Variants in ENOPH1 observed in about 807,000 individuals in gnomAD.
The protein encoded by ENOPH1 is enolase-phosphatase E1.
Under a neutral mutation model 31.1 loss-of-function variants are expected in ENOPH1, and 14 were observed. That is an observed-to-expected ratio of 0.45 (90% confidence interval 0.30 to 0.70). The LOEUF (loss-of-function observed/expected upper bound fraction) is 0.70. ENOPH1 is among the 30% of genes least tolerant of loss of function. The pLI, the probability that ENOPH1 is intolerant of heterozygous loss-of-function variation, is 0.09. For missense variants in ENOPH1, 243 were observed against 321.5 expected, an observed-to-expected ratio of 0.76 and a Z score of 1.87; for synonymous variants, 127 against 123.2, an observed-to-expected ratio of 1.03 and a Z score of -0.21.
Position 82,460,245 on chromosome 4 carries a change from A to C in ENOPH1, c.*125A>C, listed in dbSNP as rs576196417. On this transcript the variant is annotated 3_prime_UTR_variant, in exon 6 of 6. Coordinates refer to ENST00000273920, the MANE Select transcript of ENOPH1 (RefSeq NM_021204.5). The stretch of plus-strand genomic sequence containing the variant: ...TACACATATGTATGCAAGTATGTAT[A>C]TATGTGTATGCTCAGATTAACTTCC... 40 of 933,010 alleles carry C rather than the reference A, an allele frequency of 4.3e-5. No homozygotes were observed. In the South Asian group the frequency reaches 5.7e-4, roughly 13 times the overall value. 57.8% of individuals were successfully genotyped at this position (933,010 alleles called of 1,614,324 possible).
intron 3 of ENOPH1, among the ~76,000 whole-genome samples, 193 bp downstream of exon 3, chr4:82,451,438 C>G (rs1722348780): frequency 6.6e-6 from 1 of 152,134 alleles, no homozygotes; most frequent in Non-Finnish European, 1.5e-5. Flanking sequence ...ACTAGATTAC[C>G]CGGACCTGCC....
intron 1 of ENOPH1, among the ~76,000 whole-genome samples, chr4:82,436,198 G>A (rs774682315): frequency 5.3e-5 from 8 of 152,188 alleles, no homozygotes; most frequent in Non-Finnish European, 8.8e-5. Flanking sequence ...ATTTGTGGAA[G>A]CACTGGAATG....
intron 1 of ENOPH1, among the ~76,000 whole-genome samples, chr4:82,436,244 T>G (rs1721901020): frequency 6.6e-6 from 1 of 152,216 alleles, no homozygotes; most frequent in Non-Finnish European, 1.5e-5. Context: ...GATAAACAAC[T>G]GCCCCCCTCT....
chr4:82,437,945 TA>T (rs1263419730), intron 1 of ENOPH1, among the ~76,000 whole-genome samples: 2 of 152,230 alleles, frequency 1.3e-5, no homozygotes, highest in Non-Finnish European at 2.9e-5. Context: ...TTGAACAATT[TA>T]ACTGAAAGTG....
chr4:82,437,296 G>T (rs1480557937), intron 1 of ENOPH1, among the ~76,000 whole-genome samples: 1 of 152,136 alleles, frequency 6.6e-6, no homozygotes, highest in African/African-American at 2.4e-5. Context: ...AGGTTCCTCA[G>T]GGAACCTAGA....
At chr4:82,440,599 G>T (rs969895495) in intron 1 of ENOPH1, among the ~76,000 whole-genome samples, 3 of 152,178 alleles carry the variant, frequency 2.0e-5, no homozygotes, top group African/African-American at 7.2e-5. Flanking sequence ...AGGACTCTGG[G>T]CCAGTCAAGT....
intron 4 of ENOPH1, among the ~76,000 whole-genome samples, chr4:82,455,182 A>T (rs2110047113): frequency 6.6e-6 from 1 of 152,332 alleles, no homozygotes; most frequent in East Asian, 1.9e-4. Context: ...GAAGAAATAT[A>T]GATTTCATTT....
chr4:82,448,258 T>A (rs1020739394), intron 2 of ENOPH1, among the ~76,000 whole-genome samples: 6 of 131,504 alleles, frequency 4.6e-5, no homozygotes, highest in Admixed American at 7.3e-5. Flanking sequence ...TTTGTTTTGT[T>A]TTGTTTTTTT....
intron 4 of ENOPH1, among the ~76,000 whole-genome samples, chr4:82,456,278 TTTAG>T (rs544170345): frequency 1.4e-4 from 22 of 152,036 alleles, no homozygotes; most frequent in African/African-American, 5.1e-4. Context: ...TATGCTTGTT[TTTAG>T]TTTGTGAAAA....
intron 3 of ENOPH1, among the ~76,000 whole-genome samples, chr4:82,453,692 T>TAA (rs1442857085): frequency 6.6e-6 from 1 of 152,212 alleles, no homozygotes; most frequent in Admixed American, 6.5e-5. Flanking sequence ...AGATGACTGG[T>TAA]TCTACAACCC....
Position 82,454,731 on chromosome 4 carries a change from A to C in ENOPH1, c.399A>C (p.Ala133=), listed in dbSNP as rs1362716708. ...TAGRMKAEFF[A]DVVPAVRKWR... ...GTGGTCTTCCCTCTAGGTTCTTTGC[A>C]GATGTAGTTCCAGCAGTCAGGAAGT... The change falls in exon 4 of 6, where the codon GCA becomes GCC. Residue 133 remains alanine (A), a synonymous_variant. Transcript: ENST00000273920. The C allele has an allele frequency of 1.2e-6, 2 of 1,612,946 alleles. No individual in the cohort carries two copies. The highest frequency in any genetic ancestry group is 8.5e-7 in the Non-Finnish European group (1 of 1,179,738).
intron 4 of ENOPH1, among the ~76,000 whole-genome samples, chr4:82,455,655 G>A (rs929898786): frequency 3.3e-5 from 5 of 151,918 alleles, no homozygotes; most frequent in South Asian, 2.1e-4. Context: ...ACGTGGTGGC[G>A]GGCACCTGTA....
intron 4 of ENOPH1, among the ~76,000 whole-genome samples, chr4:82,456,476 G>T (rs1273496788): frequency 2.0e-5 from 3 of 152,170 alleles, no homozygotes; most frequent in African/African-American, 4.8e-5. Flanking sequence ...AGAATTTCTT[G>T]TAAGTAAAAT....
intron 1 of ENOPH1, among the ~76,000 whole-genome samples, chr4:82,432,501 C>T (rs1032841969): frequency 6.6e-6 from 1 of 152,156 alleles, no homozygotes; most frequent in Admixed American, 6.5e-5. Context: ...TGTGCCACCA[C>T]ACCCAGCTAA....
chr4:82,432,661 T>A (rs928249843), intron 1 of ENOPH1, among the ~76,000 whole-genome samples: 1 of 151,890 alleles, frequency 6.6e-6, no homozygotes, highest in South Asian at 2.1e-4. Flanking sequence ...TTTTGTTTTG[T>A]TTTGTTTTGT....
chr4:82,437,546 TA>T (rs376711632), intron 1 of ENOPH1, among the ~76,000 whole-genome samples: 8 of 151,842 alleles, frequency 5.3e-5, no homozygotes, highest in African/African-American at 9.7e-5. Flanking sequence ...CTCATTAACT[TA>T]AAAAAAAATT....
rs1167011638 is a variant in ENOPH1, at chr4:82,451,243, A to C, written c.387A>C (p.Ala129=). The change falls in exon 3 of 6, where the codon GCA becomes GCC. Residue 129 remains alanine, a splice_region_variant and synonymous_variant. Coordinates refer to ENST00000273920, the MANE Select transcript of ENOPH1 (RefSeq NM_021204.5). ...CATTCACAGCTGGGCGCATGAAAGCAGAGTATGTGCTTGAGTCAGCCTAAA... is the reference window on the plus strand; with the variant it reads ...CATTCACAGCTGGGCGCATGAAAGCCGAGTATGTGCTTGAGTCAGCCTAAA... ...RAAFTAGRMK[A]EFFADVVPAV... 1 of 1,614,050 alleles carries C rather than the reference A, an allele frequency of 6.2e-7. No homozygotes were observed. The highest frequency in any genetic ancestry group is 1.1e-5 in the South Asian group (1 of 91,086).
chr4:82,447,484 A>G (rs149531245), intron 1 of ENOPH1, among the ~76,000 whole-genome samples: 3 of 152,206 alleles, frequency 2.0e-5, no homozygotes, highest in African/African-American at 7.2e-5. Context: ...TTTAATCCAT[A>G]TCCTCAAGGA....
chr4:82,436,253 C>G (rs1016941264), intron 1 of ENOPH1, among the ~76,000 whole-genome samples: 2 of 152,214 alleles, frequency 1.3e-5, no homozygotes, highest in Non-Finnish European at 2.9e-5. Flanking sequence ...CTGCCCCCCT[C>G]TCCCCAAACT....
Sources: allele counts gnomAD v4.1 joint callset (sites outside exome capture counted in the v4.1 genomes callset), GRCh38; gene constraint gnomAD v4.1.1; transcripts MANE v1.5; gene names NCBI Gene and HGNC (gene_info 2026-07-23, HGNC 2026-07-21).